CNBD1: variants seen among roughly 807,000 people sequenced by gnomAD.
CNBD1 encodes the protein cyclic nucleotide-binding domain-containing protein 1.
A neutral mutation model predicts 54.4 loss-of-function variants in CNBD1; 71 were observed. The observed-to-expected ratio is 1.30, with a 90% CI of 1.08 to 1.59. The LOEUF (loss-of-function observed/expected upper bound fraction) is 1.59. CNBD1 is among the 40% of genes most tolerant of loss of function. The probability of loss-of-function intolerance (pLI) is 0.00; values close to 1 mark genes in which losing one functional copy is unlikely to be tolerated. For missense variants in CNBD1, 659 were observed against 518.0 expected, an observed-to-expected ratio of 1.27 and a Z score of -2.64; for synonymous variants, 182 against 170.7, an observed-to-expected ratio of 1.07 and a Z score of -0.51.
At chr8:87,247,247 C>G (rs1467825403) in intron 6 of CNBD1, among the ~76,000 whole-genome samples, 1 of 152,194 alleles carries the variant, frequency 6.6e-6, no homozygotes, top group South Asian at 2.1e-4. Flanking sequence ...GTCCATTCAT[C>G]TGGCTTACTC....
intron 4 of CNBD1, among the ~76,000 whole-genome samples, chr8:87,048,954 G>A (rs1199913698): frequency 2.0e-5 from 3 of 152,210 alleles, no homozygotes; most frequent in African/African-American, 7.2e-5. Context: ...TGGTGAAGGA[G>A]TTTAAGAACT....
At position 87,182,725 on chromosome 8, in the gene CNBD1, A is replaced by G. The variant is rs1441238038; in HGVS notation, c.432-23268A>G. ...AAGTGTCTGTTCATGTCTTCTGCCCATTTTTAAATGGGGTTGTTTGCTTTT... is the reference window on the plus strand; with the variant it reads ...AAGTGTCTGTTCATGTCTTCTGCCCGTTTTTAAATGGGGTTGTTTGCTTTT... On this transcript the variant is annotated intron_variant, in intron 4 of 10. Transcript: ENST00000518476. This position sits in a 1 kb window ranked among gnomAD's most constrained non-coding sequence, Gnocchi z 4.1. 6.6e-6 allele frequency among the ~76,000 whole-genome samples: 1 copy of G among 152,032 alleles called. No individual in the cohort carries two copies.
chr8:87,034,065 G>T (rs917166820), intron 4 of CNBD1, among the ~76,000 whole-genome samples: 1 of 152,164 alleles, frequency 6.6e-6, no homozygotes, highest in African/African-American at 2.4e-5. Flanking sequence ...CATGTTGCTA[G>T]TGTGGCTGCA....
intron 4 of CNBD1, among the ~76,000 whole-genome samples, chr8:87,106,667 A>G (rs183452854): frequency 5.3e-5 from 8 of 151,830 alleles, no homozygotes; most frequent in Admixed American, 2.6e-4. Context: ...CCTCCTTCCT[A>G]TCTTTGAGCT....
intron 4 of CNBD1, among the ~76,000 whole-genome samples, chr8:87,011,259 T>C (rs1171711037): frequency 6.6e-6 from 1 of 151,910 alleles, no homozygotes; most frequent in Non-Finnish European, 1.5e-5. Context: ...TCTGCTTAGA[T>C]TGTATCCTCT....
At chr8:87,091,827 T>C (rs1454242112) in intron 4 of CNBD1, among the ~76,000 whole-genome samples, 2 of 152,094 alleles carry the variant, frequency 1.3e-5, no homozygotes, top group African/African-American at 2.4e-5. Context: ...TGGCATTTTA[T>C]GTAAAAGCAC....
chr8:87,320,889 G>A (rs1257020038), intron 8 of CNBD1, among the ~76,000 whole-genome samples: 1 of 151,860 alleles, frequency 6.6e-6, no homozygotes, highest in African/African-American at 2.4e-5. Context: ...TGCAGCCCCT[G>A]GCAAACAACA....
intron 6 of CNBD1, among the ~76,000 whole-genome samples, chr8:87,249,323 T>C (rs953454830): frequency 3.9e-5 from 6 of 152,098 alleles, no homozygotes; most frequent in African/African-American, 1.2e-4. Flanking sequence ...TTATGGGGAA[T>C]GGCTGTAAAC....
At chr8:87,060,842 G>A (rs1443080264) in intron 4 of CNBD1, among the ~76,000 whole-genome samples, 1 of 152,100 alleles carries the variant, frequency 6.6e-6, no homozygotes, top group African/African-American at 2.4e-5. Context: ...TGGGTGCAGA[G>A]CATAACTTAC....
At position 87,173,382 on chromosome 8, in the gene CNBD1, A is replaced by G. The variant is rs534181081; in HGVS notation, c.432-32611A>G. Among the ~76,000 whole-genome samples the G allele has an allele frequency of 4.6e-5, 7 of 152,256 alleles. No individual in the cohort carries two copies. The South Asian group carries it at 1.2e-3, about 27-fold the overall frequency. On this transcript the variant is annotated intron_variant, in intron 4 of 10. Coordinates refer to ENST00000518476, the MANE Select transcript of CNBD1 (RefSeq NM_173538.3). ...GTACTTACTATTGCCAATGAGTTTT[A>G]TACCTTCAGATGATTTCTTATTGCT...
At chr8:86,992,175 A>G (rs915198597) in intron 4 of CNBD1, among the ~76,000 whole-genome samples, 1 of 152,028 alleles carries the variant, frequency 6.6e-6, no homozygotes, top group Non-Finnish European at 1.5e-5. Flanking sequence ...AACTTGTTTT[A>G]TTACTCTGGG....
chr8:86,957,763 A>T (rs1807816347), intron 4 of CNBD1, among the ~76,000 whole-genome samples: 1 of 151,540 alleles, frequency 6.6e-6, no homozygotes, highest in Admixed American at 6.6e-5. Flanking sequence ...AATTTTGTTG[A>T]TCTTTTCAAA....
At chr8:87,262,858 A>G (rs1283796081) in intron 6 of CNBD1, among the ~76,000 whole-genome samples, 6 of 152,270 alleles carry the variant, frequency 3.9e-5, no homozygotes, top group South Asian at 2.1e-4. Flanking sequence ...AACATCTACT[A>G]TGTGTTCATT....
At chr8:86,950,682 G>C (rs984218077) in intron 4 of CNBD1, among the ~76,000 whole-genome samples, 1 of 152,050 alleles carries the variant, frequency 6.6e-6, no homozygotes, top group Non-Finnish European at 1.5e-5. Flanking sequence ...GTGTGCCATT[G>C]TCCCCTGTTT....
chr8:87,125,758 AC>A (rs1378390451), intron 4 of CNBD1, among the ~76,000 whole-genome samples: 1 of 151,814 alleles, frequency 6.6e-6, no homozygotes, highest in Non-Finnish European at 1.5e-5. Context: ...AATGAACACT[AC>A]AATTCAGGTA....
intron 4 of CNBD1, among the ~76,000 whole-genome samples, chr8:87,091,083 T>C (rs957645219): frequency 5.0e-4 from 70 of 141,344 alleles, no homozygotes; most frequent in African/African-American, 1.8e-3. Context: ...GAGGTTGCAG[T>C]GAGGTGAGGT....
At chr8:86,954,526 A>T (rs548041061) in intron 4 of CNBD1, among the ~76,000 whole-genome samples, 15 of 152,168 alleles carry the variant, frequency 9.9e-5, no homozygotes, top group Non-Finnish European at 2.2e-4. Flanking sequence ...GCTTTATCTT[A>T]TCTAATTTAA....
chr8:86,930,716 A>C (rs1212172602), intron 3 of CNBD1, among the ~76,000 whole-genome samples: 1 of 152,180 alleles, frequency 6.6e-6, no homozygotes, highest in Non-Finnish European at 1.5e-5. Flanking sequence ...TGATGAGTCT[A>C]AGATTTTGCA....
chr8:87,376,494 A>T (rs1810941823), intron 10 of CNBD1, among the ~76,000 whole-genome samples: 1 of 151,938 alleles, frequency 6.6e-6, no homozygotes, highest in African/African-American at 2.4e-5. Context: ...ACACATGCTA[A>T]CTTTTTTAAC....
Sources: allele counts gnomAD v4.1 joint callset (sites outside exome capture counted in the v4.1 genomes callset), GRCh38; gene constraint gnomAD v4.1.1; non-coding constraint Gnocchi (gnomAD v3.1); transcripts MANE v1.5; gene names NCBI Gene and HGNC (gene_info 2026-07-23, HGNC 2026-07-21).